Variants in SLC24A2 observed in about 807,000 individuals in gnomAD.
SLC24A2 encodes the protein sodium/potassium/calcium exchanger 2.
Under a neutral mutation model 62.0 loss-of-function variants are expected in SLC24A2, and 36 were observed. The observed-to-expected ratio is 0.58, with a 90% CI of 0.44 to 0.77. SLC24A2 has a LOEUF of 0.77. SLC24A2 is among the 30% of genes least tolerant of loss of function. SLC24A2 has a pLI of 0.00. For synonymous variants in SLC24A2, 358 were observed against 294.0 expected (o/e 1.22, Z -2.23); for missense variants, 846 against 817.9 (o/e 1.03, Z -0.42).
At chr9:19,620,301 G>A (rs1166408587) in intron 3 of SLC24A2, among the ~76,000 whole-genome samples, 2 of 152,148 alleles carry the variant, frequency 1.3e-5, no homozygotes, top group Non-Finnish European at 2.9e-5. Context: ...AGTAAATGAC[G>A]AAGTGCTAAT....
chr9:20,161,669 T>TA, the SLC24A2 span, among the ~76,000 whole-genome samples: 646 of 151,350 alleles, frequency 4.3e-3, 4 homozygotes, highest in African/African-American at 0.015. Flanking sequence ...CACCCATTCC[T>TA]AAAAAAATCT....
chr9:20,167,875 A>G, the SLC24A2 span, among the ~76,000 whole-genome samples: 109 of 149,260 alleles, frequency 7.3e-4, no homozygotes, highest in Non-Finnish European at 1.4e-3. Flanking sequence ...ATGAGCCACC[A>G]TGCCCAGCCC....
the SLC24A2 span, among the ~76,000 whole-genome samples, chr9:20,111,084 G>A: frequency 1.2e-4 from 19 of 152,134 alleles, no homozygotes; most frequent in African/African-American, 4.6e-4. Flanking sequence ...CACCCTTCTA[G>A]CTTCACTTTC....
At chr9:19,991,530 A>T in the SLC24A2 span, among the ~76,000 whole-genome samples, 1 of 152,138 alleles carries the variant, frequency 6.6e-6, no homozygotes, top group Non-Finnish European at 1.5e-5. Context: ...CAATCCAATC[A>T]AGTTGACAAT....
chr9:20,177,748 T>C, the SLC24A2 span, among the ~76,000 whole-genome samples: 118 of 152,238 alleles, frequency 7.8e-4, 1 homozygote, highest in East Asian at 0.022. Flanking sequence ...ACAAGAAAAC[T>C]AGTATCTATT....
chr9:19,989,430 A>G, the SLC24A2 span, among the ~76,000 whole-genome samples: 2 of 152,186 alleles, frequency 1.3e-5, no homozygotes, highest in Non-Finnish European at 2.9e-5. Flanking sequence ...GTGCACTACT[A>G]TTACTAATTT....
intron 2 of SLC24A2, among the ~76,000 whole-genome samples, chr9:19,695,332 T>C (rs956523774): frequency 6.6e-6 from 1 of 152,038 alleles, no homozygotes. Context: ...ACACAGGACT[T>C]CCAAAGGCTC....
the SLC24A2 span, among the ~76,000 whole-genome samples, chr9:19,873,455 TTC>T: frequency 6.6e-6 from 1 of 150,984 alleles, no homozygotes; most frequent in Non-Finnish European, 1.5e-5. Flanking sequence ...TTCTCTTTCT[TTC>T]TTTCTTTTTC....
the SLC24A2 span, among the ~76,000 whole-genome samples, chr9:19,852,803 T>C: frequency 6.7e-6 from 1 of 148,808 alleles, no homozygotes; most frequent in Admixed American, 6.9e-5. Context: ...CTATATGAGC[T>C]CTTTTTTGGT....
At chr9:19,964,870 C>T in the SLC24A2 span, among the ~76,000 whole-genome samples, 3 of 152,276 alleles carry the variant, frequency 2.0e-5, no homozygotes, top group South Asian at 6.2e-4. Flanking sequence ...AGGGCTTCAG[C>T]TTCTGAAGGA....
rs1400894955 is a variant in SLC24A2, at chr9:19,509,447, C to T, written c.*6706G>A. ...CAAAACAGGAATGACTCATGGACTG[C>T]TTATTGATTGACTATATTCAGAAGC... On this transcript the variant is annotated 3_prime_UTR_variant, in exon 11 of 11. Coordinates refer to ENST00000341998, the MANE Select transcript of SLC24A2 (RefSeq NM_020344.4). The T allele has an allele frequency of 6.6e-6, 1 of 152,050 alleles. No individual in the cohort carries two copies. Among genetic ancestry groups the T allele is most frequent in the Non-Finnish European group, 1.5e-5 (1 of 67,998 alleles). 9.4% of individuals were successfully genotyped at this position (152,050 alleles called of 1,614,324 possible).
chr9:19,786,406 T>C lies in SLC24A2; in HGVS notation c.461A>G (p.Asp154Gly). 1.9e-6 allele frequency: 3 copies of C among 1,614,154 alleles called. No homozygotes were observed. Among genetic ancestry groups the C allele is most frequent in the Non-Finnish European group, 2.5e-6 (3 of 1,180,036 alleles). Reference sequence around the variant, plus strand: ...AGTCAAAGAAGGAACAAAGAACTCATCACAGACAATGGCTAAGGCTATGAA... The same window carrying C: ...AGTCAAAGAAGGAACAAAGAACTCACCACAGACAATGGCTAAGGCTATGAA... ...YMFIALAIVCDEFFVPSLTVI... is the reference protein window; with the variant it reads ...YMFIALAIVCGEFFVPSLTVI... Residue 154 changes from aspartate to glycine, a missense_variant, in exon 2 of 11, where the codon GAT becomes GGT. By Grantham distance (94) the Asp-to-Gly change is moderately conservative (BLOSUM62 -1). Coordinates refer to ENST00000341998, the MANE Select transcript of SLC24A2 (RefSeq NM_020344.4). This position sits in a 1 kb window ranked among gnomAD's most constrained non-coding sequence, Gnocchi z 5.0.
chr9:19,550,890 A>AT (rs1346362359), intron 7 of SLC24A2, among the ~76,000 whole-genome samples: 1 of 151,826 alleles, frequency 6.6e-6, no homozygotes, highest in East Asian at 1.9e-4. Context: ...GGGTAAATGT[A>AT]TTTTTTACAT....
intron 2 of SLC24A2, among the ~76,000 whole-genome samples, chr9:19,731,332 T>C (rs1393170214): frequency 6.6e-6 from 1 of 152,196 alleles, no homozygotes; most frequent in African/African-American, 2.4e-5. Context: ...GACTGAATGT[T>C]TGTGTACCAA....
chr9:20,163,625 A>C, the SLC24A2 span, among the ~76,000 whole-genome samples: 2 of 152,138 alleles, frequency 1.3e-5, no homozygotes, highest in Non-Finnish European at 2.9e-5. Context: ...GAATTGGAAA[A>C]AACTACTTTA....
the SLC24A2 span, among the ~76,000 whole-genome samples, chr9:20,135,573 C>CGTA: frequency 2.6e-5 from 4 of 151,954 alleles, no homozygotes; most frequent in Admixed American, 2.0e-4. Flanking sequence ...CGATAACATA[C>CGTA]GTAGAGTTTA....
At chr9:20,205,926 ATTG>A in the SLC24A2 span, among the ~76,000 whole-genome samples, 3 of 152,088 alleles carry the variant, frequency 2.0e-5, no homozygotes, top group Non-Finnish European at 4.4e-5. Flanking sequence ...TCTGATTTTT[ATTG>A]TTATTATATT....
intron 2 of SLC24A2, among the ~76,000 whole-genome samples, chr9:19,707,155 G>C (rs1820554691): frequency 2.0e-5 from 3 of 151,438 alleles, no homozygotes; most frequent in African/African-American, 4.9e-5. Context: ...AGAAAATCTA[G>C]AAGAAATGGA....
the SLC24A2 span, among the ~76,000 whole-genome samples, chr9:20,190,043 G>A: frequency 5.3e-5 from 8 of 152,166 alleles, no homozygotes; most frequent in South Asian, 4.1e-4. Flanking sequence ...GGGAAGCCAT[G>A]GCAGGGGTTA....
Sources: gnomAD v4.1 joint callset for allele counts (sites outside exome capture counted in the v4.1 genomes callset) on GRCh38, gnomAD v4.1.1 for gene constraint, Gnocchi (gnomAD v3.1) non-coding constraint, MANE v1.5 for transcripts, NCBI Gene and HGNC (gene_info 2026-07-23, HGNC 2026-07-21) for gene names.